Variants in PLEKHA8 observed in about 807,000 individuals in gnomAD.
PLEKHA8 encodes the protein pleckstrin homology domain-containing family A member 8.
PLEKHA8 carries 36 observed loss-of-function variants against 68.2 expected under a neutral mutation model. The observed-to-expected ratio is 0.53, with a 90% CI of 0.40 to 0.70. PLEKHA8 has a LOEUF of 0.70. PLEKHA8 is among the 30% of genes least tolerant of loss of function. PLEKHA8 has a pLI of 0.00. For missense variants in PLEKHA8, 505 were observed against 615.4 expected, an observed-to-expected ratio of 0.82 and a Z score of 1.90; for synonymous variants, 211 against 216.1, an observed-to-expected ratio of 0.98 and a Z score of 0.20.
At chr7:30,125,708 T>C (rs1361724968) in intron 13 of PLEKHA8, among the ~76,000 whole-genome samples, 1 of 152,248 alleles carries the variant, frequency 6.6e-6, no homozygotes. Context: ...CCTAAGCTAG[T>C]TGTTTTCAAC....
rs778055685 is a variant in PLEKHA8, at chr7:30,055,265, A to C, written c.962A>C (p.Asp321Ala). Reference protein sequence around the residue: ...FFSTMNTSFSDIELLEDSGIP... With the variant: ...FFSTMNTSFSAIELLEDSGIP... ...ATCACCAAATTATGTAGCTTTAGTG[A>C]CATTGAACTTCTGGAAGACAGTGGC... The change falls in exon 9 of 14, where the codon GAC becomes GCC. Residue 321 changes from aspartate to alanine, a missense_variant. Transcript: ENST00000449726. 2 of 1,613,870 alleles carry C rather than the reference A, an allele frequency of 1.2e-6. No individual in the cohort carries two copies. The highest frequency in any genetic ancestry group is 1.7e-6 in the Non-Finnish European group (2 of 1,179,866).
At chr7:30,110,398 G>T (rs1478299268) in intron 13 of PLEKHA8, among the ~76,000 whole-genome samples, 2 of 152,140 alleles carry the variant, frequency 1.3e-5, no homozygotes, top group Non-Finnish European at 2.9e-5. Context: ...GGTATATGGT[G>T]TTGTGTTGAT....
rs1791344857 is a variant in PLEKHA8, at chr7:30,039,330, C to G, written c.41-5755C>G. Among the ~76,000 whole-genome samples the G allele has an allele frequency of 2.6e-5, 4 of 152,138 alleles. No homozygotes were observed. In the South Asian group the frequency reaches 6.2e-4, roughly 24 times the overall value. On this transcript the variant is annotated intron_variant, in intron 1 of 13. Transcript: ENST00000449726. ...AGGAGTTCGAGAACAGCCTGGCCAA[C>G]AAGATGAAAGCCCGTCTCTACTAAA...
chr7:30,057,943 T>G (rs1793126935), intron 9 of PLEKHA8, among the ~76,000 whole-genome samples: 1 of 152,252 alleles, frequency 6.6e-6, no homozygotes, highest in Non-Finnish European at 1.5e-5. Flanking sequence ...ATTTTAGTTG[T>G]TTGACTTCTT....
exon 13 of PLEKHA8, chr7:30,090,270 C>T (rs748363037): frequency 2.5e-5 from 36 of 1,440,444 alleles, no homozygotes; most frequent in Non-Finnish European, 3.2e-5. Context: ...CAAGGGACCT[C>T]AAACTTCCTT....
At chr7:30,040,289 A>G (rs1791430897) in intron 1 of PLEKHA8, among the ~76,000 whole-genome samples, 1 of 152,110 alleles carries the variant, frequency 6.6e-6, no homozygotes, top group African/African-American at 2.4e-5. Flanking sequence ...TGTCATCCAG[A>G]TTTTCTTCCT....
intron 1 of PLEKHA8, among the ~76,000 whole-genome samples, chr7:30,034,138 A>G (rs1020592248): frequency 3.5e-5 from 5 of 140,874 alleles, no homozygotes; most frequent in Admixed American, 1.6e-4. Flanking sequence ...CCTCCTGAGT[A>G]CCTAGGACTA....
downstream of PLEKHA8, chr7:30,129,515 T>C (rs1796837728): frequency 3.3e-6 from 2 of 603,088 alleles, no homozygotes; most frequent in Non-Finnish European, 5.8e-6. Flanking sequence ...CAATTTCTAA[T>C]TGATACACCT....
At chr7:30,128,533 T>G (rs889019113) in intron 13 of PLEKHA8, among the ~76,000 whole-genome samples, 6 of 152,248 alleles carry the variant, frequency 3.9e-5, no homozygotes, top group Non-Finnish European at 7.3e-5. Context: ...GGTTTCTTTT[T>G]ATTTCTTTCT....
At chr7:30,054,998 A>T in intron 8 of PLEKHA8, 133 bp downstream of exon 8, 1 of 915,902 alleles carries the variant, frequency 1.1e-6, no homozygotes, top group Non-Finnish European at 1.7e-6. Flanking sequence ...TACCTGCTTT[A>T]CTGTTTACTC....
intron 12 of PLEKHA8, among the ~76,000 whole-genome samples, chr7:30,070,417 T>G: frequency 6.6e-6 from 1 of 152,196 alleles, no homozygotes; most frequent in Non-Finnish European, 1.5e-5. Flanking sequence ...TTTGTCTTCC[T>G]TGTCTTTTTG....
intron 13 of PLEKHA8, among the ~76,000 whole-genome samples, chr7:30,110,054 T>A (rs1022184440): frequency 1.3e-5 from 2 of 152,218 alleles, no homozygotes; most frequent in African/African-American, 2.4e-5. Flanking sequence ...ATTTACCCAC[T>A]TAGCATATAT....
chr7:30,123,314 C>T (rs1485943614), intron 13 of PLEKHA8, among the ~76,000 whole-genome samples: 1 of 152,218 alleles, frequency 6.6e-6, no homozygotes, highest in Admixed American at 6.5e-5. Context: ...TAAAACTAAA[C>T]CTTAGGTCAT....
At position 30,033,428 on chromosome 7, in the gene PLEKHA8, G is replaced by A. The variant is rs561112753; in HGVS notation, c.40+4626G>A. On this transcript the variant is annotated intron_variant, in intron 1 of 13. Transcript: ENST00000449726. ...TTTTGTGGCTGGCTGCTTTCCCGTAGCATAATGTTTTTTTTGGATAGCATG... is the reference window on the plus strand; with the variant it reads ...TTTTGTGGCTGGCTGCTTTCCCGTAACATAATGTTTTTTTTGGATAGCATG... Among the ~76,000 whole-genome samples the A allele has an allele frequency of 2.7e-3, 405 of 152,106 alleles. 2 individuals are homozygous for A. The highest frequency in any genetic ancestry group is 9.5e-3 in the African/African-American group (395 of 41,514).
At chr7:30,056,748 T>TAAA (rs1562870903) in intron 9 of PLEKHA8, among the ~76,000 whole-genome samples, 1 of 69,576 alleles carries the variant, frequency 1.4e-5, no homozygotes, top group African/African-American at 5.5e-5. Context: ...AAAAAGTGTG[T>TAAA]GTGTGTGTGT....
downstream of PLEKHA8, among the ~76,000 whole-genome samples, chr7:30,086,097 C>T (rs954722161): frequency 5.3e-5 from 8 of 152,294 alleles, no homozygotes; most frequent in Admixed American, 5.2e-4. Context: ...ATCACTGTGA[C>T]GAGCTTATCT....
intron 13 of PLEKHA8, among the ~76,000 whole-genome samples, chr7:30,121,323 G>A (rs551561179): frequency 1.3e-5 from 2 of 149,182 alleles, no homozygotes; most frequent in Admixed American, 6.7e-5. Flanking sequence ...AGTGGCCAAA[G>A]GGATGAAAAA....
At chr7:30,106,710 CA>C (rs1279842594) in intron 13 of PLEKHA8, among the ~76,000 whole-genome samples, 1 of 151,996 alleles carries the variant, frequency 6.6e-6, no homozygotes, top group Non-Finnish European at 1.5e-5. Context: ...AGAATGTGGG[CA>C]AAAAAATTTC....
intron 13 of PLEKHA8, among the ~76,000 whole-genome samples, chr7:30,112,158 G>A (rs1421016716): frequency 6.6e-6 from 1 of 152,030 alleles, no homozygotes; most frequent in Non-Finnish European, 1.5e-5. Flanking sequence ...CAATTCACTA[G>A]GAATATTCAA....
Sources: allele counts gnomAD v4.1 joint callset (sites outside exome capture counted in the v4.1 genomes callset), GRCh38; gene constraint gnomAD v4.1.1; transcripts MANE v1.5; gene names NCBI Gene and HGNC (gene_info 2026-07-23, HGNC 2026-07-21).